The following ATP6V1H variants were observed in gnomAD, a reference collection of about 807,000 sequenced individuals.
ATP6V1H encodes ATPase H+ transporting V1 subunit H.
In ATP6V1H, 39 loss-of-function variants were observed where a neutral mutation model predicts 71.7. The ratio of observed to expected loss-of-function variants is 0.54; its 90% CI spans 0.42 to 0.71. The LOEUF (loss-of-function observed/expected upper bound fraction) is 0.71. Ranked by LOEUF, ATP6V1H falls within the 30% of genes least tolerant of loss-of-function variation. The pLI is 0.00. For missense variants in ATP6V1H, 509 were observed against 594.9 expected, an observed-to-expected ratio of 0.86 and a Z score of 1.50; for synonymous variants, 192 against 199.3, an observed-to-expected ratio of 0.96 and a Z score of 0.31.
At chr8:53,821,372 CAAAA>C (rs576615850) in intron 4 of ATP6V1H, among the ~76,000 whole-genome samples, 1 of 98,064 alleles carries the variant, frequency 1.0e-5, no homozygotes, top group African/African-American at 3.4e-5. Context: ...GACTCCATCT[CAAAA>C]AAAAAAAAAA....
intron 13 of ATP6V1H, among the ~76,000 whole-genome samples, chr8:53,742,726 C>T (rs1017444911): frequency 2.6e-5 from 4 of 152,214 alleles, no homozygotes; most frequent in African/African-American, 9.6e-5. Flanking sequence ...TATTCTCCTA[C>T]ACTGTATGTG....
intron 13 of ATP6V1H, among the ~76,000 whole-genome samples, chr8:53,722,811 AC>A (rs1364129877): frequency 6.6e-6 from 1 of 152,166 alleles, no homozygotes; most frequent in Non-Finnish European, 1.5e-5. Flanking sequence ...CCATAATCTA[AC>A]TGCGGAATTG....
At chr8:53,834,492 C>G (rs1376827045) in intron 2 of ATP6V1H, among the ~76,000 whole-genome samples, 2 of 152,202 alleles carry the variant, frequency 1.3e-5, no homozygotes, top group African/African-American at 2.4e-5. Flanking sequence ...GTGGCACGAT[C>G]TCAGCTCAAT....
At chr8:53,812,303 A>C (rs1388242197) in intron 6 of ATP6V1H, among the ~76,000 whole-genome samples, 1 of 152,220 alleles carries the variant, frequency 6.6e-6, no homozygotes. Context: ...CACAACTTAA[A>C]GCCAAACACT....
rs187305919 is a variant in ATP6V1H at position 53,810,269 on chromosome 8, A to G, written c.579+895T>C. Reference sequence around the variant, plus strand: ...CTATCAACTGGCTCTCATCATGAACATCGTTAACTTGTCCAAACTTACTTC... The same window carrying G: ...CTATCAACTGGCTCTCATCATGAACGTCGTTAACTTGTCCAAACTTACTTC... On this transcript the variant is annotated intron_variant, in intron 7 of 13. Coordinates refer to ENST00000359530, the MANE Select transcript of ATP6V1H (RefSeq NM_015941.4). 2.2e-3 allele frequency among the ~76,000 whole-genome samples: 339 copies of G among 152,352 alleles called. 2 individuals carry two copies. The highest frequency in any genetic ancestry group is 7.9e-3 in the African/African-American group (327 of 41,582).
At chr8:53,782,070 C>A (rs1809160603) in intron 9 of ATP6V1H, among the ~76,000 whole-genome samples, 1 of 152,152 alleles carries the variant, frequency 6.6e-6, no homozygotes, top group Admixed American at 6.5e-5. Context: ...TTTTCCAATT[C>A]TCTGAAGAAA....
chr8:53,747,682 G>A (rs913283790), intron 12 of ATP6V1H, among the ~76,000 whole-genome samples: 2 of 151,882 alleles, frequency 1.3e-5, no homozygotes, highest in African/African-American at 4.8e-5. Context: ...TGGGATTACA[G>A]GTGCATGCCA....
intron 13 of ATP6V1H, among the ~76,000 whole-genome samples, chr8:53,733,062 C>T (rs747684130): frequency 2.0e-5 from 3 of 152,208 alleles, no homozygotes; most frequent in African/African-American, 7.2e-5. Flanking sequence ...CCCTTCACCT[C>T]TGCTGATCTC....
chr8:53,841,420 C>A (rs950259906), intron 2 of ATP6V1H, among the ~76,000 whole-genome samples, 158 bp downstream of exon 2: 1 of 152,216 alleles, frequency 6.6e-6, no homozygotes, highest in African/African-American at 2.4e-5. Flanking sequence ...CACCCCACTA[C>A]ACTTAACTCC....
chr8:53,802,174 T>C (rs1809930135), intron 7 of ATP6V1H, among the ~76,000 whole-genome samples: 1 of 152,220 alleles, frequency 6.6e-6, no homozygotes, highest in African/African-American at 2.4e-5. Context: ...TGATACAGTT[T>C]GATAAATAAG....
intron 9 of ATP6V1H, among the ~76,000 whole-genome samples, chr8:53,777,115 G>A (rs1808917321): frequency 6.6e-6 from 1 of 152,214 alleles, no homozygotes; most frequent in Non-Finnish European, 1.5e-5. Context: ...GAATTAGAAT[G>A]CCAGAAGGCA....
chr8:53,817,351 A>G (rs1810484019), intron 5 of ATP6V1H, 66 bp downstream of exon 5: 2 of 1,100,170 alleles, frequency 1.8e-6, no homozygotes, highest in Non-Finnish European at 2.6e-6. Context: ...CAGCCTGGAC[A>G]ACATAGTGAG....
intron 11 of ATP6V1H, among the ~76,000 whole-genome samples, chr8:53,765,497 AC>A (rs1808427457): frequency 2.8e-5 from 4 of 140,656 alleles, no homozygotes; most frequent in African/African-American, 7.8e-5. Flanking sequence ...ACACACACAC[AC>A]ACAAGACCAT....
At chr8:53,795,563 AT>A in intron 9 of ATP6V1H, 83 bp downstream of exon 9, 1 of 1,247,846 alleles carries the variant, frequency 8.0e-7, no homozygotes, top group Non-Finnish European at 1.1e-6. Context: ...AGAACAAGTA[AT>A]TTTTTCCCGC....
At chr8:53,755,258 C>T (rs1293393422) in intron 12 of ATP6V1H, among the ~76,000 whole-genome samples, 1 of 152,134 alleles carries the variant, frequency 6.6e-6, no homozygotes, top group African/African-American at 2.4e-5. Flanking sequence ...GCTGAGGTTG[C>T]TGTTATCCTT....
At position 53,758,606 on chromosome 8, in the gene ATP6V1H, T is replaced by G. The variant is rs75032412; in HGVS notation, c.1176-1950A>C. ...CACTTGTAACTGCTACTAATTGGAG[T>G]GCATATTCAAGGCAAGTTGAATCTA... On this transcript the variant is annotated intron_variant, in intron 11 of 13. Coordinates refer to ENST00000359530, the MANE Select transcript of ATP6V1H (RefSeq NM_015941.4). Among the ~76,000 whole-genome samples, 1,317 of 152,350 alleles carry G rather than the reference T, an allele frequency of 8.6e-3. 22 individuals carry two copies. The highest frequency in any genetic ancestry group is 0.03 in the African/African-American group (1,231 of 41,578).
chr8:53,746,623 G>T (rs1231928378), intron 12 of ATP6V1H, among the ~76,000 whole-genome samples: 1 of 152,082 alleles, frequency 6.6e-6, no homozygotes, highest in Non-Finnish European at 1.5e-5. Context: ...CCACCCCAGA[G>T]CCCAGTGGGT....
intron 9 of ATP6V1H, among the ~76,000 whole-genome samples, chr8:53,780,944 T>TG (rs1809100907): frequency 2.6e-5 from 4 of 152,252 alleles, no homozygotes; most frequent in Admixed American, 2.0e-4. Context: ...CTATCATTGT[T>TG]GGACATCTGG....
At chr8:53,776,199 G>T (rs1009748626) in intron 9 of ATP6V1H, among the ~76,000 whole-genome samples, 3 of 152,176 alleles carry the variant, frequency 2.0e-5, no homozygotes, top group African/African-American at 7.2e-5. Flanking sequence ...CGAGTTTGGG[G>T]CCCGCCAAGC....
Sources: gnomAD v4.1 joint callset for allele counts (sites outside exome capture counted in the v4.1 genomes callset) on GRCh38, gnomAD v4.1.1 for gene constraint, MANE v1.5 for transcripts, NCBI Gene and HGNC (gene_info 2026-07-23, HGNC 2026-07-21) for gene names.